HEMK1: variants seen among roughly 807,000 people sequenced by gnomAD.
The protein encoded by HEMK1 is MTRF1L release factor glutamine methyltransferase.
A neutral mutation model predicts 47.9 loss-of-function variants in HEMK1; 36 were observed. That is an observed-to-expected ratio of 0.75 (90% CI 0.58 to 0.99). The LOEUF is 0.99. Among genes scored for constraint, HEMK1 ranks in the 50% least tolerant of loss-of-function variants. The pLI is 0.00. For missense variants in HEMK1, 383 were observed against 434.5 expected (o/e 0.88, Z 1.05); for synonymous variants, 153 against 165.4 (o/e 0.93, Z 0.57).
rs2031798357 is a variant in HEMK1, at chr3:50,592,926, A to G, written c.*12509A>G. The stretch of plus-strand genomic sequence containing the variant: ...CTCCTCTGTACCCTGAGCACCATCA[A>G]CTGGGTGCCAGGCCTGTGCCTATAT... On this transcript the variant is annotated 3_prime_UTR_variant, in exon 11 of 11. Coordinates refer to ENST00000232854, the MANE Select transcript of HEMK1 (RefSeq NM_016173.5). 6.6e-6 allele frequency: 1 copy of G among 152,358 alleles called. No homozygotes were observed. Among genetic ancestry groups the G allele is most frequent in the East Asian group, 1.9e-4 (1 of 5,182 alleles). 9.4% of individuals were successfully genotyped at this position (152,358 alleles called of 1,614,324 possible).
chr3:50,589,168 T>C lies in HEMK1; in HGVS notation c.*8751T>C, dbSNP rs2107538265. ...AGTTGTAGTCTTATGTTGGTCTCAA[T>C]GTCCATTTTCTTTCAGTGTTTGATT... On this transcript the variant is annotated 3_prime_UTR_variant, in exon 11 of 11. Coordinates refer to ENST00000232854, the MANE Select transcript of HEMK1 (RefSeq NM_016173.5). 1.3e-5 allele frequency: 2 copies of C among 152,384 alleles called. No homozygotes were observed. The highest frequency in any genetic ancestry group is 4.1e-4 in the South Asian group (2 of 4,832). The allele number at this position is 152,384 out of a possible 1,614,324, so 9.4% of individuals were successfully genotyped here.
Position 50,581,888 on chromosome 3 carries a change from C to T in HEMK1, c.*1471C>T. On this transcript the variant is annotated 3_prime_UTR_variant, in exon 11 of 11. Coordinates refer to ENST00000232854, the MANE Select transcript of HEMK1 (RefSeq NM_016173.5). Reference sequence around the variant, plus strand: ...CCCCAGCTGCATGGACTCTGAGCTGCCCCTGGCTTCCTTTAAGGAGGCTGC... The same window carrying T: ...CCCCAGCTGCATGGACTCTGAGCTGTCCCTGGCTTCCTTTAAGGAGGCTGC... The T allele has an allele frequency of 6.6e-6, 1 of 152,466 alleles. No homozygotes were observed. Among genetic ancestry groups the T allele is most frequent in the Non-Finnish European group, 1.5e-5 (1 of 68,136 alleles). 9.4% of individuals were successfully genotyped at this position (152,466 alleles called of 1,614,324 possible).
At chr3:50,573,482 A>C (rs1224823085) in intron 4 of HEMK1, among the ~76,000 whole-genome samples, 1 of 152,236 alleles carries the variant, frequency 6.6e-6, no homozygotes, top group Non-Finnish European at 1.5e-5. Flanking sequence ...ACCTGGCACC[A>C]GCCATATGTG....
In HEMK1 at chr3:50,579,274, G is replaced by A. The variant is rs983838682; in HGVS notation, c.770+348G>A. On this transcript the variant is annotated intron_variant, in intron 8 of 10. Transcript: ENST00000232854. ...CATACAGGGTGCTCAGTAGATGGGC[G>A]CATCATTTTATAGAATACTGAGGCC... is the stretch of plus-strand genomic sequence containing the variant. Among the ~76,000 whole-genome samples the A allele has an allele frequency of 1.1e-4, 17 of 152,266 alleles. No individual in the cohort carries two copies. The South Asian group carries it at 2.9e-3, about 26-fold the overall frequency.
Position 50,595,227 on chromosome 3 carries a change from C to G in HEMK1, c.*14810C>G, listed in dbSNP as rs2031907850. 6.6e-6 allele frequency: 1 copy of G among 152,186 alleles called. No individual in the cohort carries two copies. Among genetic ancestry groups the G allele is most frequent in the African/African-American group, 2.4e-5 (1 of 41,420 alleles). The allele number at this position is 152,186 out of a possible 1,614,324, so 9.4% of individuals were successfully genotyped here. A position where few individuals can be genotyped will look rare whatever the true frequency, so the allele number is the denominator to read the frequency against. ...CTTTGAAGCAAACAAGTTAGTCTAT[C>G]ATAGTCTATCATATTCTCAAGGATC... On this transcript the variant is annotated 3_prime_UTR_variant, in exon 11 of 11. Coordinates refer to ENST00000232854, the MANE Select transcript of HEMK1 (RefSeq NM_016173.5).
In HEMK1 at chr3:50,571,811, C is replaced by G; in HGVS notation, c.320+10C>G. 1 of 1,611,770 alleles carries G rather than the reference C, an allele frequency of 6.2e-7. No individual in the cohort carries two copies. Among genetic ancestry groups the G allele is most frequent in the Non-Finnish European group, 8.5e-7 (1 of 1,177,882 alleles). ...GCCGTCGATTGCAGAGGTGAGCACCCATGGATCAGACCTGAAGGATGTGTT... is the reference window on the plus strand; with the variant it reads ...GCCGTCGATTGCAGAGGTGAGCACCGATGGATCAGACCTGAAGGATGTGTT... On this transcript the variant is annotated intron_variant, in intron 3 of 10. Coordinates refer to ENST00000232854, the MANE Select transcript of HEMK1 (RefSeq NM_016173.5).
At chr3:50,573,495 AG>A (rs1212134103) in intron 4 of HEMK1, among the ~76,000 whole-genome samples, 6 of 152,246 alleles carry the variant, frequency 3.9e-5, no homozygotes, top group African/African-American at 1.4e-4. Flanking sequence ...CATATGTGCC[AG>A]GGTTCTGAGT....
chr3:50,583,695 T>G lies in HEMK1; in HGVS notation c.*3278T>G, dbSNP rs1663985866. 1 of 152,240 alleles carries G rather than the reference T, an allele frequency of 6.6e-6. No homozygotes were observed. Among genetic ancestry groups the G allele is most frequent in the South Asian group, 2.1e-4 (1 of 4,828 alleles). 9.4% of individuals were successfully genotyped at this position (152,240 alleles called of 1,614,324 possible). A position where few individuals can be genotyped will look rare whatever the true frequency, so the allele number is the denominator to read the frequency against. Reference sequence around the variant, plus strand: ...CTCTACTGCCCTGGGCTTCAGCCTTTGTGCAGTACTCTCGATGCCCTGAAC... The same window carrying G: ...CTCTACTGCCCTGGGCTTCAGCCTTGGTGCAGTACTCTCGATGCCCTGAAC... On this transcript the variant is annotated 3_prime_UTR_variant, in exon 11 of 11. Transcript: ENST00000232854.
rs888131096 is a variant in HEMK1, at chr3:50,585,519, G to C, written c.*5102G>C. The C allele has an allele frequency of 6.6e-6, 1 of 152,314 alleles. No homozygotes were observed. Among genetic ancestry groups the C allele is most frequent in the East Asian group, 1.9e-4 (1 of 5,180 alleles). 9.4% of individuals were successfully genotyped at this position (152,314 alleles called of 1,614,324 possible). On this transcript the variant is annotated 3_prime_UTR_variant, in exon 11 of 11. Coordinates refer to ENST00000232854, the MANE Select transcript of HEMK1 (RefSeq NM_016173.5). ...TGGGACTAGGACCTCCCTTTCCAGGGGTACTAAAGGACTCTGGAGACACCA... is the reference window on the plus strand; with the variant it reads ...TGGGACTAGGACCTCCCTTTCCAGGCGTACTAAAGGACTCTGGAGACACCA...
rs1461318661 is a variant in HEMK1 at position 50,595,913 on chromosome 3, G to A, written c.*15496G>A. On this transcript the variant is annotated 3_prime_UTR_variant, in exon 11 of 11. Coordinates refer to ENST00000232854, the MANE Select transcript of HEMK1 (RefSeq NM_016173.5). ...TTCCACACCTGGGATTGATACTGCT[G>A]GGACTCCAGGGCAGGTGCTCTAAAG... 1 of 152,180 alleles carries A rather than the reference G, an allele frequency of 6.6e-6. No individual in the cohort carries two copies. The highest frequency in any genetic ancestry group is 1.5e-5 in the Non-Finnish European group (1 of 68,034). The allele number at this position is 152,180 out of a possible 1,614,324, so 9.4% of individuals were successfully genotyped here.
In HEMK1 at chr3:50,579,890, A is replaced by G. The variant is rs1224255955; in HGVS notation, c.817A>G (p.Ile273Val). 1.2e-6 allele frequency: 2 copies of G among 1,613,922 alleles called. No individual in the cohort carries two copies. The highest frequency in any genetic ancestry group is 2.2e-5 in the East Asian group (1 of 44,888). Reference protein sequence around the residue: ...ALDGGEEGMDIITHILALAPR... With the variant: ...ALDGGEEGMDVITHILALAPR... ...GGATGGTGGGGAGGAGGGCATGGACATCATTACCCACATTCTGGCCTTGGC... is the reference window on the plus strand; with the variant it reads ...GGATGGTGGGGAGGAGGGCATGGACGTCATTACCCACATTCTGGCCTTGGC... The change falls in exon 9 of 11, where the codon ATC becomes GTC. Residue 273 changes from isoleucine to valine, a missense_variant. By Grantham distance (29) the Ile-to-Val change is conservative. Transcript: ENST00000232854.
At position 50,580,120 on chromosome 3, in the gene HEMK1, ATCT is replaced by A. The variant is rs1421809431; in HGVS notation, c.876_878del (p.Phe292del). The A allele has an allele frequency of 6.2e-7, 1 of 1,613,612 alleles. No homozygotes were observed. The highest frequency in any genetic ancestry group is 8.5e-7 in the Non-Finnish European group (1 of 1,179,512). On this transcript the variant is annotated inframe_deletion, in exon 10 of 11. Coordinates refer to ENST00000232854, the MANE Select transcript of HEMK1 (RefSeq NM_016173.5). ...ACCCATTTCTCCCCCATGTAGTAGT[ATCT>A]TCTTAGAAGTGGACCCAAGGCACCC...
rs1291349446 is a variant in HEMK1, at chr3:50,580,590, G to T, written c.*173G>T. ...CCTGGATTGGCTCCATCACATCAGA[G>T]TGGCTGAGGGCAGTTGCTCTGTGTT... On this transcript the variant is annotated 3_prime_UTR_variant, in exon 11 of 11. Transcript: ENST00000232854. 1 of 668,516 alleles carries T rather than the reference G, an allele frequency of 1.5e-6. No individual in the cohort carries two copies. The highest frequency in any genetic ancestry group is 2.5e-6 in the Non-Finnish European group (1 of 392,164). The allele number at this position is 668,516 out of a possible 1,614,324, so 41.4% of individuals were successfully genotyped here.
Position 50,587,792 on chromosome 3 carries a change from G to A in HEMK1, c.*7375G>A, listed in dbSNP as rs1372860083. The A allele has an allele frequency of 6.6e-6, 1 of 152,446 alleles. No individual in the cohort carries two copies. The highest frequency in any genetic ancestry group is 1.9e-4 in the East Asian group (1 of 5,206). 9.4% of individuals were successfully genotyped at this position (152,446 alleles called of 1,614,324 possible). A position where few individuals can be genotyped will look rare whatever the true frequency, so the allele number is the denominator to read the frequency against. ...GTTACAGGGTTAGAGAAGCATTGAG[G>A]CTGCTCTTTCTGGCTGCCAGGAAAA... On this transcript the variant is annotated 3_prime_UTR_variant, in exon 11 of 11. Transcript: ENST00000232854. The surrounding 1 kb of genome is among the most constrained non-coding windows in gnomAD (Gnocchi z 4.2).
intron 6 of HEMK1, 123 bp downstream of exon 6, chr3:50,577,696 T>TG (rs2029928289): frequency 1.1e-5 from 15 of 1,347,064 alleles, no homozygotes; most frequent in Middle Eastern, 1.8e-4. Flanking sequence ...ATGGGTCCCA[T>TG]GGGGTTCTGA....
At chr3:50,580,024 A>AC (rs1300056852) in intron 9 of HEMK1, 85 bp downstream of exon 9, 1 of 1,521,910 alleles carries the variant, frequency 6.6e-7, no homozygotes, top group Non-Finnish European at 9.1e-7. Flanking sequence ...GGCAGAGGTC[A>AC]GCACAGGACC....
At chr3:50,569,477 G>A (rs1292097891), upstream of HEMK1, 1 of 151,696 alleles carries the variant, frequency 6.6e-6, no homozygotes, top group Non-Finnish European at 1.5e-5. Flanking sequence ...CCGGAAGCGG[G>A]GCGTCCGAGG....
At position 50,586,742 on chromosome 3, in the gene HEMK1, GTCTCT is replaced by G. The variant is rs1184226328; in HGVS notation, c.*6331_*6335del. ...GGAGCAGGGCTGGGGCACGAGCCAGGTCTCTTCTCTGGCTCACAGCTGCCAGTCCT... is the reference window on the plus strand; with the variant it reads ...GGAGCAGGGCTGGGGCACGAGCCAGGTCTCTGGCTCACAGCTGCCAGTCCT... On this transcript the variant is annotated 3_prime_UTR_variant, in exon 11 of 11. Transcript: ENST00000232854. 6.6e-6 allele frequency: 1 copy of G among 152,066 alleles called. No individual in the cohort carries two copies. Among genetic ancestry groups the G allele is most frequent in the Admixed American group, 6.6e-5 (1 of 15,254 alleles). 9.4% of individuals were successfully genotyped at this position (152,066 alleles called of 1,614,324 possible).
At chr3:50,575,314 T>G (rs1211957839) in intron 4 of HEMK1, among the ~76,000 whole-genome samples, 1 of 151,468 alleles carries the variant, frequency 6.6e-6, no homozygotes, top group Non-Finnish European at 1.5e-5. Flanking sequence ...CCCAGCTACT[T>G]GGGAAGGCTG....
Sources: gnomAD v4.1 joint callset for allele counts (sites outside exome capture counted in the v4.1 genomes callset) on GRCh38, gnomAD v4.1.1 for gene constraint, Gnocchi (gnomAD v3.1) non-coding constraint, MANE v1.5 for transcripts, NCBI Gene and HGNC (gene_info 2026-07-23, HGNC 2026-07-21) for gene names.